The following NFIA variants were observed in gnomAD, a reference collection of about 807,000 sequenced individuals.
The protein encoded by NFIA is nuclear factor I A, also known as nuclear factor 1 A-type.
In NFIA, 8 loss-of-function variants were observed where a neutral mutation model predicts 62.8. That is an observed-to-expected ratio of 0.13 (90% CI 0.07 to 0.23). NFIA has a LOEUF of 0.23. Among genes scored for constraint, NFIA ranks in the 10% least tolerant of loss-of-function variants. NFIA has a pLI of 1.00. For missense variants in NFIA, 410 were observed against 642.1 expected, an observed-to-expected ratio of 0.64 and a Z score of 3.91; for synonymous variants, 235 against 238.1, an observed-to-expected ratio of 0.99 and a Z score of 0.12.
chr1:61,381,357 G>A (rs1359153228), intron 6 of NFIA, among the ~76,000 whole-genome samples: 1 of 151,976 alleles, frequency 6.6e-6, no homozygotes, highest in Non-Finnish European at 1.5e-5. Context: ...GATAACCTTA[G>A]GTTAGGTTAT....
upstream of NFIA, among the ~76,000 whole-genome samples, chr1:61,079,846 C>T (rs1646074127): frequency 6.6e-6 from 1 of 152,162 alleles, no homozygotes; most frequent in South Asian, 2.1e-4. Context: ...CCCCAGTCTG[C>T]CCTTTGAGGA....
At chr1:61,128,528 C>T (rs538644250) in intron 2 of NFIA, among the ~76,000 whole-genome samples, 16 of 152,034 alleles carry the variant, frequency 1.1e-4, no homozygotes, top group East Asian at 3.9e-4. Flanking sequence ...GGTTTGAGTC[C>T]GGGAGGTGGA....
chr1:61,284,219 GGTT>G lies in NFIA; in HGVS notation c.625+6635_625+6637del, dbSNP rs143971327. Reference sequence around the variant, plus strand: ...AGACATTAAAACCTAAATGCCTTCTGGTTTCCAGATCTGTATAATTAAATTCTG... The same window carrying G: ...AGACATTAAAACCTAAATGCCTTCTGTCCAGATCTGTATAATTAAATTCTG... On this transcript the variant is annotated intron_variant, in intron 3 of 10. Coordinates refer to ENST00000403491, the MANE Select transcript of NFIA (RefSeq NM_001134673.4). 5.6e-3 allele frequency among the ~76,000 whole-genome samples: 854 copies of G among 152,212 alleles called. 10 individuals are homozygous for G. The highest frequency in any genetic ancestry group is 0.043 in the East Asian group (222 of 5,186).
chr1:61,102,865 C>T lies in NFIA; in HGVS notation c.559+14185C>T, dbSNP rs535781271. 1.8e-3 allele frequency among the ~76,000 whole-genome samples: 270 copies of T among 152,198 alleles called. 1 individual carries two copies. Among genetic ancestry groups the T allele is most frequent in the Middle Eastern group, 0.01 (3 of 292 alleles). On this transcript the variant is annotated intron_variant, in intron 2 of 10. Coordinates refer to ENST00000403491, the MANE Select transcript of NFIA (RefSeq NM_001134673.4). ...AGGCTGATGTTTCAGTAAATTCTAA[C>T]GCATCAGCCTCAGATCTTTGATTCC...
chr1:61,310,764 T>TTTCC lies in NFIA; in HGVS notation c.626-21718_626-21715dup, dbSNP rs372925891. Among the ~76,000 whole-genome samples, 862 of 129,402 alleles carry TTTCC rather than the reference T, an allele frequency of 6.7e-3. 15 individuals carry two copies. The highest frequency in any genetic ancestry group is 0.03 in the East Asian group (141 of 4,778). The allele number at this position is 129,402 out of a possible 152,430, so 84.9% of individuals were successfully genotyped here. ...ATCCCCTCCTCCTGCTTCTCCCTCT[T>TTTCC]TTCCTTCCTTCCTTCCTTCCTTCCT... On this transcript the variant is annotated intron_variant, in intron 3 of 10. Coordinates refer to ENST00000403491, the MANE Select transcript of NFIA (RefSeq NM_001134673.4).
At chr1:61,199,610 G>T (rs907844510) in intron 2 of NFIA, among the ~76,000 whole-genome samples, 2 of 151,958 alleles carry the variant, frequency 1.3e-5, no homozygotes, top group African/African-American at 4.8e-5. Flanking sequence ...AGTTTTTTCT[G>T]GTTCCTTCTA....
chr1:61,423,911 T>C (rs1666749820), intron 9 of NFIA, among the ~76,000 whole-genome samples: 1 of 152,154 alleles, frequency 6.6e-6, no homozygotes, highest in Non-Finnish European at 1.5e-5. Flanking sequence ...GGAATAAACT[T>C]GCCTGGGCAC....
At chr1:61,343,002 A>G (rs1428972154) in intron 4 of NFIA, among the ~76,000 whole-genome samples, 1 of 152,268 alleles carries the variant, frequency 6.6e-6, no homozygotes, top group Non-Finnish European at 1.5e-5. Flanking sequence ...ATTGCCTGGC[A>G]TGTAATAAAT....
intron 3 of NFIA, among the ~76,000 whole-genome samples, chr1:61,329,213 A>G (rs992457007): frequency 1.4e-5 from 2 of 146,098 alleles, no homozygotes; most frequent in Non-Finnish European, 3.0e-5. Context: ...ATGCCTAGCT[A>G]ATTTTTTTTA....
At chr1:61,079,990 C>CT (rs1426597672), upstream of NFIA, among the ~76,000 whole-genome samples, 3 of 152,090 alleles carry the variant, frequency 2.0e-5, no homozygotes, top group Admixed American at 6.5e-5. Flanking sequence ...TGGAACTGTG[C>CT]TTTGTAGTGT....
chr1:61,228,898 T>C (rs1443302679), intron 2 of NFIA, among the ~76,000 whole-genome samples: 2 of 152,164 alleles, frequency 1.3e-5, no homozygotes, highest in Non-Finnish European at 2.9e-5. Flanking sequence ...TGAAAACATT[T>C]GAGTGCAACA....
In NFIA at chr1:61,459,945, C is replaced by T. The variant is rs898868964; in HGVS notation, c.*4625C>T. ...TCTCTCTCTCTCTTTTTGTTTGCTTCTGTTTTCTTTCTTGTCTTCATTCTT... is the reference window on the plus strand; with the variant it reads ...TCTCTCTCTCTCTTTTTGTTTGCTTTTGTTTTCTTTCTTGTCTTCATTCTT... On this transcript the variant is annotated 3_prime_UTR_variant, in exon 11 of 11. Transcript: ENST00000403491. The T allele has an allele frequency of 6.6e-6, 1 of 151,958 alleles. No individual in the cohort carries two copies. The highest frequency in any genetic ancestry group is 1.5e-5 in the Non-Finnish European group (1 of 68,018). The allele number at this position is 151,958 out of a possible 1,614,324, so 9.4% of individuals were successfully genotyped here. A position where few individuals can be genotyped will look rare whatever the true frequency, so the allele number is the denominator to read the frequency against.
intron 6 of NFIA, among the ~76,000 whole-genome samples, chr1:61,376,136 GT>G (rs1444432233): frequency 6.6e-6 from 1 of 152,096 alleles, no homozygotes; most frequent in Non-Finnish European, 1.5e-5. Flanking sequence ...TTAGTTGCCT[GT>G]TTAGATGCTG....
At position 61,378,561 on chromosome 1, in the gene NFIA, G is replaced by C. The variant is rs1569680503; in HGVS notation, c.947-4676G>C. Among the ~76,000 whole-genome samples, 3 of 151,902 alleles carry C rather than the reference G, an allele frequency of 2.0e-5. No individual in the cohort carries two copies. The South Asian group carries it at 6.2e-4, about 32-fold the overall frequency. ...TATTTGAATATCATGTTTGTTTTCT[G>C]TACTGCAGAACAAATTTTCACAGAG... On this transcript the variant is annotated intron_variant, in intron 6 of 10. Coordinates refer to ENST00000403491, the MANE Select transcript of NFIA (RefSeq NM_001134673.4).
chr1:61,352,123 G>A (rs769739928), intron 4 of NFIA, among the ~76,000 whole-genome samples: 6 of 152,206 alleles, frequency 3.9e-5, no homozygotes, highest in African/African-American at 1.4e-4. Context: ...TCTAAAGAGT[G>A]TTTTGGCTGG....
intron 7 of NFIA, among the ~76,000 whole-genome samples, chr1:61,403,415 T>C (rs1665665225): frequency 6.6e-6 from 1 of 152,198 alleles, no homozygotes. Context: ...TCTGAGTCTT[T>C]TATCAGTTTT....
intron 2 of NFIA, among the ~76,000 whole-genome samples, chr1:61,184,115 GA>G (rs1553158985): frequency 0.028 from 1,938 of 69,558 alleles, 14 homozygotes; most frequent in East Asian, 0.043. Flanking sequence ...ATGGGGGGGG[GA>G]AAAAAAACCA....
At chr1:61,438,936 T>C (rs956931708) in intron 10 of NFIA, among the ~76,000 whole-genome samples, 6 of 151,780 alleles carry the variant, frequency 4.0e-5, no homozygotes, top group African/African-American at 1.2e-4. Flanking sequence ...TGGTATTACT[T>C]AGGCTGCATC....
intron 7 of NFIA, among the ~76,000 whole-genome samples, chr1:61,387,478 T>TGTTTTG (rs1553180854): frequency 7.0e-6 from 1 of 142,810 alleles, no homozygotes; most frequent in African/African-American, 2.6e-5. Flanking sequence ...CTTTTTTTTT[T>TGTTTTG]TTTTTTTTTT....
Sources: allele counts gnomAD v4.1 joint callset (sites outside exome capture counted in the v4.1 genomes callset), GRCh38; gene constraint gnomAD v4.1.1; transcripts MANE v1.5; gene names NCBI Gene and HGNC (gene_info 2026-07-23, HGNC 2026-07-21).